Variants in GATAD2B observed in about 807,000 individuals in gnomAD.
GATAD2B encodes GATA zinc finger domain containing 2B.
Under a neutral mutation model 64.3 loss-of-function variants are expected in GATAD2B, and 8 were observed. That is an observed-to-expected ratio of 0.12 (90% CI 0.07 to 0.22). The LOEUF is 0.22. Among genes scored for constraint, GATAD2B ranks in the 10% least tolerant of loss-of-function variants. GATAD2B has a pLI of 1.00. For synonymous variants in GATAD2B, 281 were observed against 271.3 expected (o/e 1.04, Z -0.35); for missense variants, 453 against 752.0 (o/e 0.60, Z 4.65).
At chr1:153,853,066 T>C in intron 1 of GATAD2B, 1 of 1,511,168 alleles carries the variant, frequency 6.6e-7, no homozygotes, top group Non-Finnish European at 9.2e-7. Flanking sequence ...ACAGCATCTT[T>C]TGCCCCAGTC....
chr1:153,833,160 T>C (rs1425963807), intron 1 of GATAD2B, among the ~76,000 whole-genome samples: 1 of 152,050 alleles, frequency 6.6e-6, no homozygotes, highest in Non-Finnish European at 1.5e-5. Flanking sequence ...AGCACTATGA[T>C]TGCACCTGTG....
At chr1:153,829,997 G>A (rs1675019170) in intron 1 of GATAD2B, among the ~76,000 whole-genome samples, 1 of 151,608 alleles carries the variant, frequency 6.6e-6, no homozygotes, top group Admixed American at 6.6e-5. Flanking sequence ...CTGAGAGGCT[G>A]AGGCATGAGA....
At chr1:153,852,744 A>C in intron 1 of GATAD2B, 1 of 924,208 alleles carries the variant, frequency 1.1e-6, no homozygotes, top group Non-Finnish European at 1.8e-6. Flanking sequence ...ACAGGGAGTG[A>C]AGCTTGGTAG....
At chr1:153,835,983 A>C (rs1484661495) in intron 1 of GATAD2B, among the ~76,000 whole-genome samples, 1 of 152,138 alleles carries the variant, frequency 6.6e-6, no homozygotes, top group Non-Finnish European at 1.5e-5. Flanking sequence ...TCAGCCTTCC[A>C]GAGTGCTTGG....
At chr1:153,892,652 G>T (rs1677452260) in intron 1 of GATAD2B, among the ~76,000 whole-genome samples, 1 of 151,316 alleles carries the variant, frequency 6.6e-6, no homozygotes, top group Non-Finnish European at 1.5e-5. Context: ...CATCAAAATG[G>T]GCCCAACATT....
chr1:153,889,320 G>A (rs1226208003), intron 1 of GATAD2B, among the ~76,000 whole-genome samples: 2 of 145,142 alleles, frequency 1.4e-5, no homozygotes, highest in Non-Finnish European at 3.0e-5. Flanking sequence ...GCTGAGGCAG[G>A]AGAATTGCTT....
At chr1:153,831,123 C>T (rs1557791060) in intron 1 of GATAD2B, among the ~76,000 whole-genome samples, 2 of 152,106 alleles carry the variant, frequency 1.3e-5, no homozygotes, top group Admixed American at 6.6e-5. Flanking sequence ...TCTTAATTCC[C>T]TCCCTTTTTA....
chr1:153,822,570 T>G (rs1481740461), intron 2 of GATAD2B, among the ~76,000 whole-genome samples: 2 of 152,184 alleles, frequency 1.3e-5, no homozygotes, highest in African/African-American at 4.8e-5. Flanking sequence ...TGGAGGGCAA[T>G]GGTGCAATCT....
intron 1 of GATAD2B, among the ~76,000 whole-genome samples, chr1:153,902,302 A>C (rs1677804281): frequency 6.6e-6 from 1 of 152,172 alleles, no homozygotes; most frequent in Non-Finnish European, 1.5e-5. Context: ...AAAAAAGAAA[A>C]AAAAAAGAAT....
intron 1 of GATAD2B, among the ~76,000 whole-genome samples, chr1:153,835,996 T>C (rs1191402831): frequency 1.3e-5 from 2 of 152,208 alleles, no homozygotes; most frequent in African/African-American, 4.8e-5. Context: ...GTGCTTGGAT[T>C]ACAGGCGTGA....
At chr1:153,874,835 C>A (rs1345621857) in intron 1 of GATAD2B, among the ~76,000 whole-genome samples, 1 of 151,418 alleles carries the variant, frequency 6.6e-6, no homozygotes, top group Admixed American at 6.6e-5. Context: ...CCTTGGCCCC[C>A]CAAAGTGCTG....
intron 1 of GATAD2B, among the ~76,000 whole-genome samples, chr1:153,897,437 T>C (rs543988158): frequency 6.6e-6 from 1 of 152,328 alleles, no homozygotes; most frequent in South Asian, 2.1e-4. Context: ...AACAGAATGA[T>C]CTTATGCAAG....
intron 1 of GATAD2B, among the ~76,000 whole-genome samples, chr1:153,846,625 G>A (rs950751735): frequency 1.4e-5 from 2 of 145,308 alleles, no homozygotes; most frequent in African/African-American, 2.6e-5. Context: ...GCAGTCGCGC[G>A]ATCTCGGCTC....
At chr1:153,820,974 A>ATTTTTTTTTTTTTT (rs869096882) in intron 2 of GATAD2B, among the ~76,000 whole-genome samples, 1 of 50,840 alleles carries the variant, frequency 2.0e-5, no homozygotes, top group African/African-American at 8.7e-5. Context: ...GGCACATGGA[A>ATTTTTTTTTTTTTT]TTTTTTTTTT....
intron 1 of GATAD2B, among the ~76,000 whole-genome samples, chr1:153,897,121 T>TG (rs1677622514): frequency 6.7e-6 from 1 of 149,796 alleles, no homozygotes. Context: ...CTCCACCCCC[T>TG]GGGGTTCACG....
rs71093296 is a variant in GATAD2B at position 153,876,227 on chromosome 1, C to CAAAAAAAAAAA, written c.-2+46495_-2+46505dup. On this transcript the variant is annotated intron_variant, in intron 1 of 10. Coordinates refer to ENST00000368655, the MANE Select transcript of GATAD2B (RefSeq NM_020699.4). ...TGGGCAACACAGTGAGACTTCGTCTCAAAAAAAAAAAAAAAAAAAAAAAAA... is the reference window on the plus strand; with the variant it reads ...TGGGCAACACAGTGAGACTTCGTCTCAAAAAAAAAAAAAAAAAAAAAAAAAAAAAAAAAAAA... Among the ~76,000 whole-genome samples, 387 of 48,432 alleles carry CAAAAAAAAAAA rather than the reference C, an allele frequency of 8.0e-3. 64 individuals are homozygous for CAAAAAAAAAAA. The highest frequency in any genetic ancestry group is 9.6e-3 in the Non-Finnish European group (276 of 28,616). The allele number at this position is 48,432 out of a possible 152,430, so 31.8% of individuals were successfully genotyped here.
intron 1 of GATAD2B, among the ~76,000 whole-genome samples, chr1:153,900,871 T>G (rs1050845658): frequency 2.0e-5 from 3 of 152,186 alleles, no homozygotes; most frequent in Non-Finnish European, 4.4e-5. Context: ...TTCATGTAAT[T>G]TTCACATGTC....
At position 153,823,949 on chromosome 1, in the gene GATAD2B, C is replaced by T. The variant is rs554655757; in HGVS notation, c.335+4064G>A. Among the ~76,000 whole-genome samples the T allele has an allele frequency of 5.8e-3, 889 of 152,050 alleles. 5 individuals are homozygous for T. Among genetic ancestry groups the T allele is most frequent in the Non-Finnish European group, 0.01 (680 of 67,958 alleles). On this transcript the variant is annotated intron_variant, in intron 2 of 10. Transcript: ENST00000368655. ...TTCACCATGTTGGCCAGGCTGGTCT[C>T]GAACTCCTGACCTCAGATGATCCTC...
chr1:153,821,576 C>CT (rs969832180), intron 2 of GATAD2B, among the ~76,000 whole-genome samples: 3 of 151,552 alleles, frequency 2.0e-5, no homozygotes, highest in African/African-American at 7.3e-5. Context: ...TGTCTGCATT[C>CT]TTTTTTTTGA....
Sources: gnomAD v4.1 joint callset for allele counts (sites outside exome capture counted in the v4.1 genomes callset) on GRCh38, gnomAD v4.1.1 for gene constraint, MANE v1.5 for transcripts, NCBI Gene and HGNC (gene_info 2026-07-23, HGNC 2026-07-21) for gene names.